The following BMPR1B variants were observed in gnomAD, a reference collection of about 807,000 sequenced individuals.
BMPR1B encodes the protein bone morphogenetic protein receptor type 1B.
Under a neutral mutation model 59.1 loss-of-function variants are expected in BMPR1B, and 12 were observed. The observed-to-expected ratio is 0.20, with a 90% CI of 0.13 to 0.33. The LOEUF is 0.33. Ranked by LOEUF, BMPR1B falls within the 10% of genes least tolerant of loss-of-function variation. The pLI is 1.00. For synonymous variants in BMPR1B, 237 were observed against 207.3 expected (o/e 1.14, Z -1.23); for missense variants, 550 against 610.9 (o/e 0.90, Z 1.05).
At chr4:94,821,136 A>G (rs1724191911) in intron 1 of BMPR1B, among the ~76,000 whole-genome samples, 1 of 152,224 alleles carries the variant, frequency 6.6e-6, no homozygotes, top group South Asian at 2.1e-4. Flanking sequence ...AAGCTGGCTG[A>G]GACTTATTTA....
intron 3 of BMPR1B, among the ~76,000 whole-genome samples, chr4:95,072,246 A>G (rs949013076): frequency 3.3e-5 from 5 of 152,190 alleles, no homozygotes; most frequent in African/African-American, 1.2e-4. Flanking sequence ...CAGTAGGGAG[A>G]GCAATCTGCT....
chr4:94,994,743 A>G (rs1210259105), intron 2 of BMPR1B, among the ~76,000 whole-genome samples: 1 of 148,926 alleles, frequency 6.7e-6, no homozygotes, highest in East Asian at 2.0e-4. Flanking sequence ...TTTTTCTTCT[A>G]TGCTGGTTAT....
At chr4:94,788,022 A>G (rs1203715488) in intron 1 of BMPR1B, among the ~76,000 whole-genome samples, 1 of 152,186 alleles carries the variant, frequency 6.6e-6, no homozygotes, top group Admixed American at 6.5e-5. Flanking sequence ...CTGAGTTGGT[A>G]ATAGAACAAG....
intron 3 of BMPR1B, among the ~76,000 whole-genome samples, chr4:95,050,641 A>G (rs1289674366): frequency 6.6e-6 from 1 of 152,198 alleles, no homozygotes; most frequent in Non-Finnish European, 1.5e-5. Flanking sequence ...ATTTTTTAAA[A>G]TATCAAGTAA....
chr4:94,940,065 G>A (rs1476361989), intron 2 of BMPR1B, among the ~76,000 whole-genome samples: 1 of 152,048 alleles, frequency 6.6e-6, no homozygotes, highest in Non-Finnish European at 1.5e-5. Flanking sequence ...GCATTTGGGA[G>A]GTATTATTAT....
chr4:94,884,905 C>T (rs2148983564), intron 2 of BMPR1B, among the ~76,000 whole-genome samples: 1 of 152,276 alleles, frequency 6.6e-6, no homozygotes, highest in Middle Eastern at 3.4e-3. Context: ...GTACCAATTC[C>T]CAGCCTGGGC....
intron 3 of BMPR1B, among the ~76,000 whole-genome samples, chr4:95,045,951 A>C (rs953927910): frequency 6.6e-6 from 1 of 152,242 alleles, no homozygotes; most frequent in African/African-American, 2.4e-5. Context: ...ACAAATTGAA[A>C]TTGGTAGCAA....
At chr4:94,781,950 G>A (rs11729530) in intron 1 of BMPR1B, among the ~76,000 whole-genome samples, 83,806 of 151,704 alleles carry the variant, frequency 0.55, 23,306 homozygotes, top group Middle Eastern at 0.72. Flanking sequence ...TAGTATTTTT[G>A]CTATTATGCA....
intron 3 of BMPR1B, among the ~76,000 whole-genome samples, chr4:95,058,717 A>G (rs1727116056): frequency 6.6e-6 from 1 of 152,250 alleles, no homozygotes; most frequent in South Asian, 2.1e-4. Flanking sequence ...AATATTCATT[A>G]TCAAACTAAG....
intron 3 of BMPR1B, among the ~76,000 whole-genome samples, chr4:94,999,208 C>G (rs1722273262): frequency 6.6e-6 from 1 of 152,008 alleles, no homozygotes; most frequent in African/African-American, 2.4e-5. Context: ...TATGCTTCCC[C>G]AAGACCTAGC....
At chr4:94,792,931 G>A (rs1321911609) in intron 1 of BMPR1B, among the ~76,000 whole-genome samples, 2 of 152,078 alleles carry the variant, frequency 1.3e-5, no homozygotes, top group South Asian at 2.1e-4. Context: ...TCAAAGTAAC[G>A]GCAGTGTTTA....
chr4:95,147,179 A>G (rs1034732662), intron 10 of BMPR1B, among the ~76,000 whole-genome samples: 43 of 152,202 alleles, frequency 2.8e-4, no homozygotes, highest in African/African-American at 1.0e-3. Context: ...CACTGATGAC[A>G]TATCTGTTGA....
Position 94,768,426 on chromosome 4 carries a change from C to T in BMPR1B, c.-183+10358C>T, listed in dbSNP as rs567255233. On this transcript the variant is annotated intron_variant, in intron 1 of 12. Coordinates refer to ENST00000515059, the MANE Select transcript of BMPR1B (RefSeq NM_001203.3). ...CACAATCCGACTATCAGAATTGCAG[C>T]GATTTTCCCCCTAAATCCTAACAAT... 1.1e-4 allele frequency among the ~76,000 whole-genome samples: 16 copies of T among 152,200 alleles called. No homozygotes were observed. In the East Asian group the frequency reaches 2.9e-3, roughly 28 times the overall value.
intron 1 of BMPR1B, among the ~76,000 whole-genome samples, chr4:94,867,489 C>G (rs1418529149): frequency 3.9e-5 from 6 of 152,148 alleles, no homozygotes; most frequent in Non-Finnish European, 4.4e-5. Flanking sequence ...ATTCTGAGTT[C>G]TTCTACTCCT....
intron 1 of BMPR1B, among the ~76,000 whole-genome samples, chr4:94,799,519 G>A (rs1254657778): frequency 1.3e-5 from 2 of 151,838 alleles, no homozygotes; most frequent in Non-Finnish European, 2.9e-5. Context: ...GGCCAGGATG[G>A]TCTCGATCTC....
intron 1 of BMPR1B, among the ~76,000 whole-genome samples, chr4:94,822,863 G>A (rs1027711073): frequency 6.6e-6 from 1 of 152,028 alleles, no homozygotes; most frequent in African/African-American, 2.4e-5. Context: ...GCTTTTTTGG[G>A]GTAATAGTGT....
chr4:95,053,237 A>T (rs998882869), intron 3 of BMPR1B, among the ~76,000 whole-genome samples: 1 of 151,054 alleles, frequency 6.6e-6, no homozygotes, highest in Non-Finnish European at 1.5e-5. Flanking sequence ...TCTAGGTCAT[A>T]TAGGTGTAGG....
At chr4:95,046,008 A>G (rs1438513184) in intron 3 of BMPR1B, among the ~76,000 whole-genome samples, 1 of 152,214 alleles carries the variant, frequency 6.6e-6, no homozygotes, top group African/African-American at 2.4e-5. Context: ...CTTCAAATGC[A>G]TGAATATTTA....
intron 3 of BMPR1B, among the ~76,000 whole-genome samples, chr4:95,073,229 T>C (rs113884817): frequency 6.6e-6 from 1 of 152,148 alleles, no homozygotes; most frequent in Non-Finnish European, 1.5e-5. Context: ...ATATTTGACT[T>C]GCCAAGCCAT....
Sources: allele counts gnomAD v4.1 joint callset (sites outside exome capture counted in the v4.1 genomes callset), GRCh38; gene constraint gnomAD v4.1.1; transcripts MANE v1.5; gene names NCBI Gene and HGNC (gene_info 2026-07-23, HGNC 2026-07-21).